Variants in PRKD1 observed in about 807,000 individuals in gnomAD.
PRKD1 encodes the protein protein kinase D1.
In PRKD1, 63 loss-of-function variants were observed where a neutral mutation model predicts 95.9. That is an observed-to-expected ratio of 0.66 (90% CI 0.54 to 0.81). The LOEUF is 0.81. Ranked by LOEUF, PRKD1 falls within the 30% of genes least tolerant of loss-of-function variation. PRKD1 has a pLI of 0.00. For missense variants in PRKD1, 1,048 were observed against 1,165.3 expected (o/e 0.90, Z 1.47); for synonymous variants, 425 against 423.1 (o/e 1.00, Z -0.05).
chr14:29,581,969 C>T (rs1425277002), intron 16 of PRKD1, among the ~76,000 whole-genome samples: 1 of 152,118 alleles, frequency 6.6e-6, no homozygotes, highest in Non-Finnish European at 1.5e-5. Context: ...GTGCTTCCTC[C>T]TAGAAGTATT....
At chr14:29,742,492 C>A (rs1344733445) in intron 1 of PRKD1, among the ~76,000 whole-genome samples, 1 of 152,126 alleles carries the variant, frequency 6.6e-6, no homozygotes, top group African/African-American at 2.4e-5. Flanking sequence ...ATACTTCCAG[C>A]AAATCTGACT....
intron 1 of PRKD1, among the ~76,000 whole-genome samples, chr14:29,898,226 G>A (rs919307397): frequency 2.6e-5 from 4 of 152,034 alleles, no homozygotes; most frequent in African/African-American, 9.7e-5. Flanking sequence ...GAAAATAAGA[G>A]ATTCTATGTA....
chr14:29,760,585 C>T (rs1008721970), intron 1 of PRKD1, among the ~76,000 whole-genome samples: 2 of 151,958 alleles, frequency 1.3e-5, no homozygotes, highest in Non-Finnish European at 2.9e-5. Context: ...GAACTCTTGA[C>T]CTCTTGATCC....
chr14:29,604,383 G>A (rs527594026), intron 13 of PRKD1, among the ~76,000 whole-genome samples: 1 of 152,256 alleles, frequency 6.6e-6, no homozygotes, highest in South Asian at 2.1e-4. Context: ...TTTAGGAGCA[G>A]TGCAGTCTTA....
At chr14:29,655,066 A>G (rs1881757009) in intron 4 of PRKD1, among the ~76,000 whole-genome samples, 1 of 152,212 alleles carries the variant, frequency 6.6e-6, no homozygotes, top group Non-Finnish European at 1.5e-5. Flanking sequence ...GTCCTCCTTT[A>G]TGCAATCTGT....
At chr14:29,656,400 C>G (rs894140948) in intron 4 of PRKD1, 2 of 1,377,816 alleles carry the variant, frequency 1.5e-6, no homozygotes, top group East Asian at 2.5e-5. Flanking sequence ...AGACAATTGT[C>G]TGATGTCAGC....
At position 29,632,879 on chromosome 14, in the gene PRKD1, C is replaced by G; in HGVS notation, c.1382G>C (p.Arg461Thr). 6.2e-7 allele frequency: 1 copy of G among 1,612,194 alleles called. No individual in the cohort carries two copies. The highest frequency in any genetic ancestry group is 8.5e-7 in the Non-Finnish European group (1 of 1,178,234). ...AGAGCCCACTCTTACCTTGTAGTAC[C>G]TGCTTCCTGTGTCATTCTGAAAGAG... ...ITLFQNDTGS[R>T]YYKEIPLSEI... The change falls in exon 9 of 18, where the codon AGG becomes ACG. Residue 461 changes from arginine (R) to threonine (T), a missense_variant. Arg to Thr is a moderately conservative substitution (Grantham distance 71). Coordinates refer to ENST00000331968, the MANE Select transcript of PRKD1 (RefSeq NM_002742.3).
chr14:29,673,002 T>G (rs1018552279), intron 2 of PRKD1, among the ~76,000 whole-genome samples: 4 of 152,152 alleles, frequency 2.6e-5, no homozygotes, highest in Non-Finnish European at 4.4e-5. Context: ...TAGGATCTGT[T>G]CATGAACCCA....
chr14:29,644,393 T>C (rs1212400176), intron 4 of PRKD1, among the ~76,000 whole-genome samples: 2 of 152,146 alleles, frequency 1.3e-5, no homozygotes, highest in Admixed American at 1.3e-4. Context: ...GCATCAAGGA[T>C]GCAATGAGGA....
At chr14:29,719,534 A>G (rs963182828) in intron 2 of PRKD1, among the ~76,000 whole-genome samples, 1 of 152,180 alleles carries the variant, frequency 6.6e-6, no homozygotes, top group African/African-American at 2.4e-5. Flanking sequence ...AAAGGGCTAA[A>G]TGGTATTGAA....
intron 16 of PRKD1, among the ~76,000 whole-genome samples, chr14:29,585,170 A>G (rs188577798): frequency 2.5e-4 from 38 of 152,170 alleles, no homozygotes; most frequent in Admixed American, 2.2e-3. Flanking sequence ...GTTTATTTTA[A>G]AAATCGTTTT....
intron 1 of PRKD1, among the ~76,000 whole-genome samples, chr14:29,783,930 A>C (rs1260865303): frequency 1.3e-5 from 2 of 152,184 alleles, no homozygotes; most frequent in African/African-American, 2.4e-5. Flanking sequence ...TCCATTCTAC[A>C]GGTCATCTAC....
chr14:29,599,769 G>A lies in PRKD1; in HGVS notation c.1954C>T (p.Pro652Ser), dbSNP rs939324441. The A allele has an allele frequency of 5.6e-6, 9 of 1,612,924 alleles. No individual in the cohort carries two copies. The Admixed American group carries it at 8.3e-5, about 15-fold the overall frequency. The change falls in exon 14 of 18, where the codon CCT becomes TCT. Residue 652 changes from proline (P) to serine (S), a missense_variant. Pro to Ser is a moderately conservative substitution (Grantham distance 74). Transcript: ENST00000331968. ...TCCATAACAACAAACACTCTTTCAG[G>A]CGTCTCAAACATACACTCCAAATTT... ...VVNLECMFET[P>S]ERVFVVMEKL...
At chr14:29,904,980 G>A (rs1894445380) in intron 1 of PRKD1, among the ~76,000 whole-genome samples, 1 of 152,128 alleles carries the variant, frequency 6.6e-6, no homozygotes, top group Non-Finnish European at 1.5e-5. Flanking sequence ...TTTTTTGGAT[G>A]ACATTGCACT....
At chr14:29,843,755 T>C (rs1891964321) in intron 1 of PRKD1, among the ~76,000 whole-genome samples, 1 of 152,108 alleles carries the variant, frequency 6.6e-6, no homozygotes, top group Non-Finnish European at 1.5e-5. Context: ...ACATAATGAA[T>C]AGACCTAATA....
At chr14:29,757,016 A>G (rs1309474345) in intron 1 of PRKD1, among the ~76,000 whole-genome samples, 1 of 152,210 alleles carries the variant, frequency 6.6e-6, no homozygotes, top group Non-Finnish European at 1.5e-5. Context: ...TAATTAAAAG[A>G]GTAAATATCA....
intron 1 of PRKD1, among the ~76,000 whole-genome samples, chr14:29,799,804 G>A (rs1889953665): frequency 6.6e-6 from 1 of 152,164 alleles, no homozygotes; most frequent in Non-Finnish European, 1.5e-5. Flanking sequence ...TGCACGGAGT[G>A]GCAAGAAAAT....
chr14:29,875,589 T>G (rs1443858252), intron 1 of PRKD1, among the ~76,000 whole-genome samples: 1 of 152,182 alleles, frequency 6.6e-6, no homozygotes, highest in Non-Finnish European at 1.5e-5. Context: ...AATTGTTATT[T>G]CCAATAAATG....
intron 2 of PRKD1, among the ~76,000 whole-genome samples, chr14:29,712,772 A>G (rs1173552081): frequency 6.6e-6 from 1 of 152,174 alleles, no homozygotes; most frequent in African/African-American, 2.4e-5. Context: ...AGGGATTTTT[A>G]TATGGGTTGC....
Sources: allele counts gnomAD v4.1 joint callset (sites outside exome capture counted in the v4.1 genomes callset), GRCh38; gene constraint gnomAD v4.1.1; transcripts MANE v1.5; gene names NCBI Gene and HGNC (gene_info 2026-07-23, HGNC 2026-07-21).